The following RUSC2 variants were observed in gnomAD, a reference collection of about 807,000 sequenced individuals.
The protein encoded by RUSC2 is RUN and SH3 domain containing 2.
RUSC2 carries 34 observed loss-of-function variants against 122.2 expected under a neutral mutation model. The ratio of observed to expected loss-of-function variants is 0.28; its 90% confidence interval spans 0.21 to 0.37. The LOEUF (loss-of-function observed/expected upper bound fraction) is 0.37, where lower values mean the gene tolerates loss of function less well. Among genes scored for constraint, RUSC2 ranks in the 10% least tolerant of loss-of-function variants. The probability of loss-of-function intolerance (pLI) is 1.00; values close to 1 mark genes in which losing one functional copy is unlikely to be tolerated. For synonymous variants in RUSC2, 784 were observed against 790.0 expected (o/e 0.99, Z 0.13); for missense variants, 1,747 against 1,952.4 (o/e 0.89, Z 1.98).
At chr9:35,556,234 G>C (rs1054952219) in intron 4 of RUSC2, 74 bp from the exon 5 acceptor site, 23 of 1,597,830 alleles carry the variant, frequency 1.4e-5, no homozygotes, top group Non-Finnish European at 1.9e-5. Context: ...TGTCTCAGAC[G>C]GTACGAGGCA....
Position 35,547,315 on chromosome 9 carries a change from C to T in RUSC2, c.794C>T (p.Ser265Phe). The change falls in exon 2 of 12, where the codon TCC becomes TTC. Residue 265 changes from serine (S) to phenylalanine (F), a missense_variant. Ser to Phe is a radical substitution (Grantham distance 155). Transcript: ENST00000361226. The surrounding 1 kb of genome is among the most constrained non-coding windows in gnomAD (Gnocchi z 4.6). ...TSSQSEAADQSMGYVSDSSCN... is the reference protein window; with the variant it reads ...TSSQSEAADQFMGYVSDSSCN... Reference sequence around the variant, plus strand: ...AGTCAGTCCGAGGCAGCTGACCAGTCCATGGGCTATGTGAGCGACTCCTCC... The same window carrying T: ...AGTCAGTCCGAGGCAGCTGACCAGTTCATGGGCTATGTGAGCGACTCCTCC... 2 of 1,614,186 alleles carry T rather than the reference C, an allele frequency of 1.2e-6. No individual in the cohort carries two copies. The highest frequency in any genetic ancestry group is 1.7e-6 in the Non-Finnish European group (2 of 1,180,036).
At chr9:35,556,562 C>T (rs193013504) in intron 5 of RUSC2, 114 bp downstream of exon 5, 39 of 240,314 alleles carry the variant, frequency 1.6e-4, no homozygotes, top group Admixed American at 1.2e-3. Context: ...CAGTGGCTCA[C>T]GCCTGTAATC....
At chr9:35,537,808 T>C (rs1341723013) in intron 1 of RUSC2, among the ~76,000 whole-genome samples, 1 of 152,192 alleles carries the variant, frequency 6.6e-6, no homozygotes, top group Admixed American at 6.5e-5. Context: ...GCAGGGCTAG[T>C]GTTTGGGGAC....
intron 1 of RUSC2, among the ~76,000 whole-genome samples, chr9:35,521,411 T>A (rs1821212259): frequency 6.6e-6 from 1 of 152,228 alleles, no homozygotes; most frequent in South Asian, 2.1e-4. Context: ...TTTATTATCA[T>A]CAGATTTTAA....
chr9:35,515,661 A>G (rs1013126930), intron 1 of RUSC2, among the ~76,000 whole-genome samples: 1 of 152,164 alleles, frequency 6.6e-6, no homozygotes, highest in Non-Finnish European at 1.5e-5. Context: ...ACTGTAAAAT[A>G]GAGATAATAA....
intron 1 of RUSC2, among the ~76,000 whole-genome samples, chr9:35,518,710 A>G (rs1036088860): frequency 6.6e-6 from 1 of 152,178 alleles, no homozygotes; most frequent in Non-Finnish European, 1.5e-5. Flanking sequence ...TTTTCAAGGA[A>G]TTTGATGTAC....
Position 35,556,396 on chromosome 9 carries a change from G to T in RUSC2, c.2931G>T (p.Leu977=), listed in dbSNP as rs1822020255. The change falls in exon 5 of 12, where the codon CTG becomes CTT. Residue 977 remains leucine, a synonymous_variant. Coordinates refer to ENST00000361226, the MANE Select transcript of RUSC2 (RefSeq NM_014806.5). ...LTEKPPAEFC[L]SPDGSSEAIS... ...AGAAGCCTCCAGCTGAGTTTTGTCTGTCCCCAGATGGCAGCTCAGAGGCCA... is the reference window on the plus strand; with the variant it reads ...AGAAGCCTCCAGCTGAGTTTTGTCTTTCCCCAGATGGCAGCTCAGAGGCCA... The T allele has an allele frequency of 6.2e-7, 1 of 1,614,216 alleles. No homozygotes were observed. The highest frequency in any genetic ancestry group is 8.5e-7 in the Non-Finnish European group (1 of 1,180,046).
chr9:35,521,659 A>G (rs767384562), intron 1 of RUSC2, among the ~76,000 whole-genome samples: 39 of 152,172 alleles, frequency 2.6e-4, no homozygotes, highest in Admixed American at 4.6e-4. Context: ...TCTACAACAT[A>G]TGTGAGAAGC....
chr9:35,490,242 A>C (rs1820537799), intron 1 of RUSC2, 70 bp downstream of exon 1: 1 of 152,708 alleles, frequency 6.5e-6, no homozygotes. Context: ...GGTCTCCCTT[A>C]GGGGAGGGCC....
intron 1 of RUSC2, among the ~76,000 whole-genome samples, chr9:35,542,098 T>G (rs1249249032): frequency 6.6e-6 from 1 of 152,188 alleles, no homozygotes; most frequent in Admixed American, 6.5e-5. Context: ...CAAAATCTCA[T>G]GAGATGCCTG....
Position 35,548,068 on chromosome 9 carries a change from G to T in RUSC2, c.1547G>T (p.Arg516Leu), listed in dbSNP as rs773623696. ...SPPVRLGSLE[R>L]MLSCPVRLSE... ...CCTGTCCGCCTGGGCTCGCTGGAAC[G>T]TATGTTGAGTTGCCCAGTGCGCTTG... is the stretch of plus-strand genomic sequence containing the variant. Residue 516 changes from arginine (R) to leucine (L), a missense_variant, in exon 2 of 12, where the codon CGT (arginine) becomes CTT (leucine). By Grantham distance (102) the Arg-to-Leu change is moderately radical. Transcript: ENST00000361226. This position sits in a 1 kb window ranked among gnomAD's most constrained non-coding sequence, Gnocchi z 4.5. 6.2e-7 allele frequency: 1 copy of T among 1,613,218 alleles called. No individual in the cohort carries two copies. Among genetic ancestry groups the T allele is most frequent in the East Asian group, 2.2e-5 (1 of 44,902 alleles).
Position 35,558,611 on chromosome 9 carries a change from C to A in RUSC2, c.3341+44C>A, listed in dbSNP as rs1822074826. 3 of 1,475,608 alleles carry A rather than the reference C, an allele frequency of 2.0e-6. No individual in the cohort carries two copies. Among genetic ancestry groups the A allele is most frequent in the Non-Finnish European group, 2.8e-6 (3 of 1,054,824 alleles). The allele number at this position is 1,475,608 out of a possible 1,614,324, so 91.4% of individuals were successfully genotyped here. A position where few individuals can be genotyped will look rare whatever the true frequency, so the allele number is the denominator to read the frequency against. The stretch of plus-strand genomic sequence containing the variant: ...AAGATCCCCTAAACAACTTGCCCTG[C>A]CCCCCACCCCCGGGCTCTGCCTGCA... On this transcript the variant is annotated intron_variant, in intron 8 of 11. Transcript: ENST00000361226. The surrounding 1 kb of genome is among the most constrained non-coding windows in gnomAD (Gnocchi z 4.3).
At chr9:35,520,174 C>A (rs1049476104) in intron 1 of RUSC2, among the ~76,000 whole-genome samples, 1 of 152,200 alleles carries the variant, frequency 6.6e-6, no homozygotes, top group African/African-American at 2.4e-5. Context: ...CCATGGTGAG[C>A]TGGACTCCAG....
intron 1 of RUSC2, among the ~76,000 whole-genome samples, chr9:35,538,155 A>G (rs1487518810): frequency 6.6e-6 from 1 of 152,148 alleles, no homozygotes; most frequent in Non-Finnish European, 1.5e-5. Context: ...AGCTGGACCC[A>G]GCTGAGCACT....
rs370620814 is a variant in RUSC2, at chr9:35,549,483, A to G, written c.2014+948A>G. ...GACTCTGTTTTCAAGGATTCCAGCT[A>G]AGGACAGAAACAGAAAACGTAGTTG... On this transcript the variant is annotated intron_variant, in intron 2 of 11. Transcript: ENST00000361226. Among the ~76,000 whole-genome samples the G allele has an allele frequency of 1.0e-3, 158 of 152,362 alleles. 3 individuals are homozygous for G. In the South Asian group the frequency reaches 0.031, roughly 30 times the overall value.
chr9:35,550,960 A>G (rs1310192828), intron 2 of RUSC2, among the ~76,000 whole-genome samples: 3 of 151,726 alleles, frequency 2.0e-5, no homozygotes, highest in Non-Finnish European at 4.4e-5. Flanking sequence ...TTCCAGCTAC[A>G]TGGGAGGCTG....
At chr9:35,491,454 G>A (rs7875819) in intron 1 of RUSC2, among the ~76,000 whole-genome samples, 1 of 152,272 alleles carries the variant, frequency 6.6e-6, no homozygotes, top group African/African-American at 2.4e-5. Flanking sequence ...AGTTATGCCC[G>A]TCCTGCTGTA....
Position 35,548,591 on chromosome 9 carries a change from G to T in RUSC2, c.2014+56G>T. On this transcript the variant is annotated intron_variant, in intron 2 of 11. Transcript: ENST00000361226. This position sits in a 1 kb window ranked among gnomAD's most constrained non-coding sequence, Gnocchi z 4.5. The stretch of plus-strand genomic sequence containing the variant: ...GCTATTCACCAGCAGGATATGCATG[G>T]CCACCTCCCTGACAGGTCCCTGCCA... 2 of 1,516,618 alleles carry T rather than the reference G, an allele frequency of 1.3e-6. No individual in the cohort carries two copies. Among genetic ancestry groups the T allele is most frequent in the East Asian group, 2.3e-5 (1 of 43,332 alleles). 93.9% of individuals were successfully genotyped at this position (1,516,618 alleles called of 1,614,324 possible). A position where few individuals can be genotyped will look rare whatever the true frequency, so the allele number is the denominator to read the frequency against.
At position 35,560,722 on chromosome 9, in the gene RUSC2, A is replaced by G; in HGVS notation, c.4082A>G (p.Glu1361Gly). 1 of 1,551,082 alleles carries G rather than the reference A, an allele frequency of 6.4e-7. No homozygotes were observed. The highest frequency in any genetic ancestry group is 1.2e-5 in the South Asian group (1 of 82,934). ...CTGGCCGAGCTGAGGCGCAGTCGGG[A>G]GAGGGAAGGGCCCGCTGCCTCGCCA... ...SVLAELRRSR[E>G]REGPAASPAE... Residue 1361 changes from glutamate (E) to glycine (G), a missense_variant, in exon 10 of 12, where the codon GAG becomes GGG. Coordinates refer to ENST00000361226, the MANE Select transcript of RUSC2 (RefSeq NM_014806.5).
Sources: gnomAD v4.1 joint callset for allele counts (sites outside exome capture counted in the v4.1 genomes callset) on GRCh38, gnomAD v4.1.1 for gene constraint, Gnocchi (gnomAD v3.1) non-coding constraint, MANE v1.5 for transcripts, NCBI Gene and HGNC (gene_info 2026-07-23, HGNC 2026-07-21) for gene names.